ADAMTS3: variants seen among roughly 807,000 people sequenced by gnomAD.
ADAMTS3 encodes ADAM metallopeptidase with thrombospondin type 1 motif 3.
ADAMTS3 carries 73 observed loss-of-function variants against 129.0 expected under a neutral mutation model. The ratio of observed to expected loss-of-function variants is 0.57; its 90% CI spans 0.47 to 0.69. The LOEUF (loss-of-function observed/expected upper bound fraction) is 0.69. ADAMTS3 is among the 30% of genes least tolerant of loss of function. The pLI, the probability that ADAMTS3 is intolerant of heterozygous loss-of-function variation, is 0.00. For synonymous variants in ADAMTS3, 477 were observed against 510.8 expected, an observed-to-expected ratio of 0.93 and a Z score of 0.89; for missense variants, 1,457 against 1,514.5, an observed-to-expected ratio of 0.96 and a Z score of 0.63.
intron 3 of ADAMTS3, among the ~76,000 whole-genome samples, chr4:72,441,393 T>C (rs7685382): frequency 0.36 from 53,997 of 151,656 alleles, 10,582 homozygotes; most frequent in South Asian, 0.58. Context: ...CACTGATGAT[T>C]TATAGGCTTT....
At chr4:72,502,698 T>C (rs2110025628) in intron 3 of ADAMTS3, among the ~76,000 whole-genome samples, 2 of 152,284 alleles carry the variant, frequency 1.3e-5, no homozygotes, top group South Asian at 4.1e-4. Context: ...TGTTAGATCA[T>C]TAATTTGAGA....
chr4:72,468,652 G>A (rs191348612), intron 3 of ADAMTS3, among the ~76,000 whole-genome samples: 1 of 151,898 alleles, frequency 6.6e-6, no homozygotes, highest in East Asian at 1.9e-4. Flanking sequence ...TAAAACTTAA[G>A]TAATGTCTTA....
At chr4:72,360,041 T>G (rs1446852759) in intron 4 of ADAMTS3, among the ~76,000 whole-genome samples, 1 of 152,114 alleles carries the variant, frequency 6.6e-6, no homozygotes, top group Non-Finnish European at 1.5e-5. Flanking sequence ...GGTTTGCTGA[T>G]CTTACCAGGT....
At chr4:72,376,103 T>G (rs533582514) in intron 4 of ADAMTS3, among the ~76,000 whole-genome samples, 2 of 152,314 alleles carry the variant, frequency 1.3e-5, no homozygotes, top group Non-Finnish European at 2.9e-5. Context: ...ACGTGCAGAT[T>G]ATGTGGAAGT....
chr4:72,560,069 C>T (rs1721865475), intron 2 of ADAMTS3, among the ~76,000 whole-genome samples: 1 of 151,528 alleles, frequency 6.6e-6, no homozygotes, highest in South Asian at 2.1e-4. Context: ...CTGACAAAAA[C>T]AAGCAATAGA....
At chr4:72,532,905 A>G (rs1052384914) in intron 3 of ADAMTS3, among the ~76,000 whole-genome samples, 1 of 152,172 alleles carries the variant, frequency 6.6e-6, no homozygotes, top group African/African-American at 2.4e-5. Flanking sequence ...GCAGGACTGG[A>G]AGTTGTTCTG....
At chr4:72,480,377 G>C (rs944088050) in intron 3 of ADAMTS3, among the ~76,000 whole-genome samples, 6 of 152,124 alleles carry the variant, frequency 3.9e-5, no homozygotes, top group African/African-American at 1.4e-4. Context: ...AAAAAAGGAT[G>C]AGTTCATGTC....
At chr4:72,304,182 T>C in intron 16 of ADAMTS3, 102 bp from the exon 17 acceptor site, 1 of 1,181,466 alleles carries the variant, frequency 8.5e-7, no homozygotes, top group Non-Finnish European at 1.2e-6. Flanking sequence ...AATGACCATG[T>C]TTCTTTATTA....
chr4:72,444,319 T>G lies in ADAMTS3; in HGVS notation c.505-29348A>C, dbSNP rs78064661. ...GACGCATGATAAAAATTTATTCCTCTCATGTCTTTCCAAGATCATAAAAAA... is the reference window on the plus strand; with the variant it reads ...GACGCATGATAAAAATTTATTCCTCGCATGTCTTTCCAAGATCATAAAAAA... On this transcript the variant is annotated intron_variant, in intron 3 of 21. Coordinates refer to ENST00000286657, the MANE Select transcript of ADAMTS3 (RefSeq NM_014243.3). Among the ~76,000 whole-genome samples the G allele has an allele frequency of 7.1e-3, 1,078 of 151,852 alleles. 17 individuals are homozygous for G. The highest frequency in any genetic ancestry group is 0.025 in the African/African-American group (1,031 of 41,520).
chr4:72,447,837 C>A (rs893581181), intron 3 of ADAMTS3, among the ~76,000 whole-genome samples: 6 of 151,672 alleles, frequency 4.0e-5, no homozygotes, highest in Admixed American at 2.6e-4. Context: ...AGAAAGCCAC[C>A]CCATGTGGCT....
intron 11 of ADAMTS3, among the ~76,000 whole-genome samples, chr4:72,315,291 T>C (rs989835077): frequency 6.6e-6 from 1 of 152,214 alleles, no homozygotes; most frequent in Non-Finnish European, 1.5e-5. Context: ...AATGTTACCT[T>C]ATTTGGAAAA....
chr4:72,287,295 T>C (rs528163543), intron 21 of ADAMTS3, among the ~76,000 whole-genome samples: 1 of 151,476 alleles, frequency 6.6e-6, no homozygotes, highest in Admixed American at 6.6e-5. Flanking sequence ...TCAGGTATTT[T>C]GTTATAGCAG....
chr4:72,529,658 A>G (rs1578765938), intron 3 of ADAMTS3, among the ~76,000 whole-genome samples: 1 of 129,722 alleles, frequency 7.7e-6, no homozygotes, highest in African/African-American at 2.9e-5. Context: ...TATAATATAT[A>G]TATAAAATAT....
chr4:72,436,877 G>A (rs1463181860), intron 3 of ADAMTS3, among the ~76,000 whole-genome samples: 2 of 151,564 alleles, frequency 1.3e-5, no homozygotes, highest in African/African-American at 4.9e-5. Flanking sequence ...GAGTGGGGAG[G>A]GATAACATTA....
intron 3 of ADAMTS3, among the ~76,000 whole-genome samples, chr4:72,463,698 C>CAA (rs3034505): frequency 8.1e-6 from 1 of 123,358 alleles, no homozygotes; most frequent in South Asian, 2.6e-4. Flanking sequence ...CTAAAACAGG[C>CAA]AAAAAAAAAA....
At chr4:72,503,319 C>G (rs894754892) in intron 3 of ADAMTS3, among the ~76,000 whole-genome samples, 1 of 152,174 alleles carries the variant, frequency 6.6e-6, no homozygotes, top group Non-Finnish European at 1.5e-5. Flanking sequence ...CCACTCCCAG[C>G]CTTGACAGTA....
intron 3 of ADAMTS3, among the ~76,000 whole-genome samples, chr4:72,426,959 T>C (rs558790717): frequency 1.3e-5 from 2 of 152,062 alleles, no homozygotes; most frequent in Non-Finnish European, 2.9e-5. Flanking sequence ...TCTAGGGTGA[T>C]TTTTCCTAAA....
At chr4:72,313,524 T>C (rs1209929719) in intron 12 of ADAMTS3, among the ~76,000 whole-genome samples, 153 bp downstream of exon 12, 1 of 152,232 alleles carries the variant, frequency 6.6e-6, no homozygotes, top group Non-Finnish European at 1.5e-5. Context: ...AATGGAGATG[T>C]ATCAAAAACA....
intron 21 of ADAMTS3, among the ~76,000 whole-genome samples, chr4:72,287,066 G>A (rs1361689721): frequency 6.6e-6 from 1 of 152,024 alleles, no homozygotes; most frequent in African/African-American, 2.4e-5. Context: ...GACTTTGGGA[G>A]GTGACTAGGC....
Sources: gnomAD v4.1 joint callset for allele counts (sites outside exome capture counted in the v4.1 genomes callset) on GRCh38, gnomAD v4.1.1 for gene constraint, MANE v1.5 for transcripts, NCBI Gene and HGNC (gene_info 2026-07-23, HGNC 2026-07-21) for gene names.